The following MZT2A variants were observed in gnomAD, a reference collection of about 807,000 sequenced individuals.
MZT2A encodes mitotic-spindle organizing protein 2A.
In MZT2A, 8 loss-of-function variants were observed where a neutral mutation model predicts 12.4. That is an observed-to-expected ratio of 0.64 (90% CI 0.38 to 1.16). MZT2A has a LOEUF of 1.16. MZT2A is among the 50% of genes most tolerant of loss of function. The pLI is 0.01. For synonymous variants in MZT2A, 88 were observed against 107.5 expected (o/e 0.82, Z 1.12); for missense variants, 181 against 223.6 (o/e 0.81, Z 1.22).
At position 131,484,029 on chromosome 2, in the gene MZT2A, G is replaced by C. The variant is rs1678952250; in HGVS notation, c.*32C>G. ...AGGAGGTAACATGTAGCCTTTGCTG[G>C]GGACAAAGATGTGACAAGTCTCTGC... is the stretch of plus-strand genomic sequence containing the variant. On this transcript the variant is annotated 3_prime_UTR_variant, in exon 3 of 3. Coordinates refer to ENST00000309451, the MANE Select transcript of MZT2A (RefSeq NM_001085365.2). The C allele has an allele frequency of 1.3e-6, 2 of 1,577,486 alleles. No individual in the cohort carries two copies. The highest frequency in any genetic ancestry group is 1.7e-6 in the Non-Finnish European group (2 of 1,156,264).
chr2:131,490,899 G>A lies in MZT2A; in HGVS notation c.319+977C>T, dbSNP rs1249506033. On this transcript the variant is annotated intron_variant, in intron 2 of 2. Transcript: ENST00000309451. ...GCAGAGAGAAAGGAGGCCTCTGGAG[G>A]TCAGAGAGAGACACAAAGAGAGCAG... 6.5e-6 allele frequency: 10 copies of A among 1,549,804 alleles called. No homozygotes were observed. The South Asian group carries it at 1.2e-4, about 18-fold the overall frequency.
At chr2:131,475,105 CATGCG>C (rs1311167210) in intron 2 of MZT2A, among the ~76,000 whole-genome samples, 1 of 150,376 alleles carries the variant, frequency 6.6e-6, no homozygotes, top group African/African-American at 2.5e-5. Flanking sequence ...GGATTACAGG[CATGCG>C]CCACCGTGCC....
chr2:131,471,636 A>C (rs1704988749), intron 3 of MZT2A, among the ~76,000 whole-genome samples: 2 of 151,178 alleles, frequency 1.3e-5, no homozygotes, highest in Admixed American at 1.3e-4. Flanking sequence ...TGCCCCTTCT[A>C]AGAGCAGGGG....
chr2:131,480,739 C>T, downstream of MZT2A: 1 of 1,611,136 alleles, frequency 6.2e-7, no homozygotes, highest in African/African-American at 1.3e-5. Context: ...TGGTGCCCGA[C>T]TGGATTTAAG....
upstream of MZT2A, among the ~76,000 whole-genome samples, chr2:131,493,710 A>G (rs1445882881): frequency 6.6e-6 from 1 of 152,324 alleles, no homozygotes; most frequent in East Asian, 1.9e-4. Flanking sequence ...GGTCCGAAGC[A>G]GCTCCTGGAG....
upstream of MZT2A, chr2:131,493,117 C>T (rs1679418770): frequency 4.0e-6 from 6 of 1,486,004 alleles, no homozygotes; most frequent in African/African-American, 5.6e-5. Flanking sequence ...ACCTCTGAAG[C>T]GGGCGACGCT....
chr2:131,491,574 T>A (rs1212352586), intron 2 of MZT2A: 1 of 529,274 alleles, frequency 1.9e-6, no homozygotes, highest in African/African-American at 2.0e-5. Context: ...ACCGTCTTGA[T>A]TCCCGACTTT....
chr2:131,491,915 C>T lies in MZT2A; in HGVS notation c.280G>A (p.Ala94Thr). Residue 94 changes from alanine to threonine, a missense_variant, in exon 2 of 3, where the codon GCC becomes ACC. Coordinates refer to ENST00000309451, the MANE Select transcript of MZT2A (RefSeq NM_001085365.2). ...ACGCTCGACGTGGGCAGAGACACGG[C>T]CGCAGGGTCCTGGGGCTCGCTCGCT... ...RLASEPQDPA[A>T]VSLPTSSVPE... The T allele has an allele frequency of 2.0e-6, 3 of 1,527,430 alleles. No individual in the cohort carries two copies. Among genetic ancestry groups the T allele is most frequent in the South Asian group, 1.2e-5 (1 of 82,122 alleles). The allele number at this position is 1,527,430 out of a possible 1,614,324, so 94.6% of individuals were successfully genotyped here. A position where few individuals can be genotyped will look rare whatever the true frequency, so the allele number is the denominator to read the frequency against.
intron 2 of MZT2A, 71 bp from the exon 3 acceptor site, chr2:131,484,289 C>G (rs1678966682): frequency 9.5e-6 from 15 of 1,577,760 alleles, no homozygotes; most frequent in African/African-American, 1.4e-5. Context: ...TGTACTCGTG[C>G]TCCTTGGGCA....
downstream of MZT2A, among the ~76,000 whole-genome samples, chr2:131,479,818 A>C (rs397833170): frequency 2.0e-5 from 3 of 152,176 alleles, no homozygotes; most frequent in Admixed American, 1.3e-4. Context: ...CTAGCCTGGG[A>C]AACAGAGCAA....
intron 3 of MZT2A, among the ~76,000 whole-genome samples, chr2:131,470,637 A>G (rs929683035): frequency 6.6e-6 from 1 of 151,978 alleles, no homozygotes; most frequent in African/African-American, 2.4e-5. Flanking sequence ...TGTAATGCCA[A>G]CCTCTGCCCG....
upstream of MZT2A, chr2:131,492,985 C>A: frequency 6.6e-7 from 1 of 1,522,964 alleles, no homozygotes; most frequent in Non-Finnish European, 8.9e-7. Flanking sequence ...TCGCTTTGCG[C>A]ACGTACCTTT....
downstream of MZT2A, chr2:131,480,483 C>G (rs149332264): frequency 1.9e-6 from 3 of 1,589,474 alleles, no homozygotes; most frequent in South Asian, 2.2e-5. Context: ...GCCGTACCCC[C>G]GCATCCACTT....
At chr2:131,484,493 G>T (rs1251227888) in intron 2 of MZT2A, among the ~76,000 whole-genome samples, 1 of 152,216 alleles carries the variant, frequency 6.6e-6, no homozygotes, top group Non-Finnish European at 1.5e-5. Context: ...CATTTTGAAA[G>T]GACACATGCC....
At chr2:131,490,150 TG>T in intron 2 of MZT2A, 1 of 688,886 alleles carries the variant, frequency 1.5e-6, no homozygotes. Context: ...CAAAGACCCC[TG>T]GGCTCTCACA....
At chr2:131,493,082 G>C (rs1316809355), upstream of MZT2A, 19 of 1,497,718 alleles carry the variant, frequency 1.3e-5, no homozygotes, top group Admixed American at 4.5e-5. Context: ...CGACGTTTTG[G>C]CGCGGTGGCG....
chr2:131,482,683 T>C (rs1278741651), downstream of MZT2A: 8 of 1,614,076 alleles, frequency 5.0e-6, no homozygotes, highest in South Asian at 7.7e-5. Flanking sequence ...ATAAGTTCGA[T>C]CTCATGTATG....
upstream of MZT2A, among the ~76,000 whole-genome samples, chr2:131,493,412 T>C (rs1168268222): frequency 6.6e-6 from 1 of 152,046 alleles, no homozygotes; most frequent in Non-Finnish European, 1.5e-5. Context: ...GTTGAAGGAA[T>C]TGAGGGAAGG....
chr2:131,490,079 G>T, intron 2 of MZT2A: 1 of 833,728 alleles, frequency 1.2e-6, no homozygotes, highest in African/African-American at 1.8e-5. Context: ...CCTCTCTTGG[G>T]CCTGAGCTCT....
Sources: allele counts gnomAD v4.1 joint callset (sites outside exome capture counted in the v4.1 genomes callset), GRCh38; gene constraint gnomAD v4.1.1; transcripts MANE v1.5; gene names NCBI Gene and HGNC (gene_info 2026-07-23, HGNC 2026-07-21).